The following NSMCE2 variants were observed in gnomAD, a reference collection of about 807,000 sequenced individuals.
NSMCE2 encodes E3 SUMO-protein ligase NSE2.
A neutral mutation model predicts 23.8 loss-of-function variants in NSMCE2; 24 were observed. The ratio of observed to expected loss-of-function variants is 1.01; its 90% CI spans 0.73 to 1.42. NSMCE2 has a LOEUF of 1.42. Ranked by LOEUF, NSMCE2 falls within the 40% of genes most tolerant of loss-of-function variation. The pLI is 0.00. For missense variants in NSMCE2, 284 were observed against 296.5 expected (o/e 0.96, Z 0.31); for synonymous variants, 92 against 94.1 (o/e 0.98, Z 0.13).
At chr8:125,247,228 G>A (rs1459290011) in intron 5 of NSMCE2, among the ~76,000 whole-genome samples, 3 of 151,794 alleles carry the variant, frequency 2.0e-5, no homozygotes, top group Non-Finnish European at 4.4e-5. Context: ...AGCTACTCAG[G>A]AGGCTAAGGT....
At chr8:125,345,853 C>T (rs943990005) in intron 5 of NSMCE2, among the ~76,000 whole-genome samples, 1 of 152,142 alleles carries the variant, frequency 6.6e-6, no homozygotes, top group African/African-American at 2.4e-5. Context: ...GTCTTGTTGT[C>T]ATGCTTAGAA....
At chr8:125,205,798 C>T (rs546190257) in intron 5 of NSMCE2, among the ~76,000 whole-genome samples, 43 of 152,044 alleles carry the variant, frequency 2.8e-4, no homozygotes, top group Non-Finnish European at 5.1e-4. Flanking sequence ...GTTGTAAATA[C>T]CAGTATCGTA....
At chr8:125,340,930 C>T (rs760074366) in intron 5 of NSMCE2, among the ~76,000 whole-genome samples, 3 of 152,152 alleles carry the variant, frequency 2.0e-5, no homozygotes, top group Non-Finnish European at 4.4e-5. Context: ...TTCTCTGCCT[C>T]CTTGATGTTC....
intron 3 of NSMCE2, among the ~76,000 whole-genome samples, chr8:125,135,839 G>T (rs1820040955): frequency 6.6e-6 from 1 of 152,202 alleles, no homozygotes; most frequent in Non-Finnish European, 1.5e-5. Flanking sequence ...ATAAGCTAGT[G>T]TTAGTCCTCC....
At chr8:125,162,165 A>G (rs1234377259) in intron 4 of NSMCE2, among the ~76,000 whole-genome samples, 3 of 152,162 alleles carry the variant, frequency 2.0e-5, no homozygotes, top group Non-Finnish European at 2.9e-5. Context: ...TGACACATGA[A>G]GTATAGTTAG....
At chr8:125,334,286 G>T (rs1247527433) in intron 5 of NSMCE2, among the ~76,000 whole-genome samples, 1 of 152,174 alleles carries the variant, frequency 6.6e-6, no homozygotes, top group Non-Finnish European at 1.5e-5. Flanking sequence ...CTAAATGCAT[G>T]CGTTAAGTAC....
intron 3 of NSMCE2, among the ~76,000 whole-genome samples, chr8:125,138,981 TGTG>T (rs1413910019): frequency 1.3e-5 from 2 of 152,186 alleles, no homozygotes; most frequent in Non-Finnish European, 2.9e-5. Flanking sequence ...GCAGAAGTTA[TGTG>T]GTGTAAATAA....
intron 4 of NSMCE2, among the ~76,000 whole-genome samples, chr8:125,180,413 A>C (rs1822747234): frequency 6.6e-6 from 1 of 152,244 alleles, no homozygotes; most frequent in Admixed American, 6.5e-5. Context: ...TATAAATTTT[A>C]CACATTTTGG....
intron 5 of NSMCE2, among the ~76,000 whole-genome samples, chr8:125,310,018 TGGG>T (rs908754317): frequency 2.6e-5 from 4 of 152,182 alleles, no homozygotes; most frequent in Non-Finnish European, 5.9e-5. Flanking sequence ...TCTACTATGA[TGGG>T]GGGACCCTCA....
intron 4 of NSMCE2, among the ~76,000 whole-genome samples, chr8:125,165,116 G>A (rs991402780): frequency 1.3e-5 from 2 of 152,178 alleles, no homozygotes; most frequent in Admixed American, 6.6e-5. Flanking sequence ...GCCTAACAGT[G>A]TGACACTGGG....
rs1818234390 is a variant in NSMCE2, at chr8:125,102,360, T to C, written c.30T>C (p.Gly10=). The change falls in exon 3 of 8, where the codon GGT becomes GGC. Residue 10 remains glycine, a synonymous_variant. Coordinates refer to ENST00000287437, the MANE Select transcript of NSMCE2 (RefSeq NM_173685.4). MPGRSSSNS[G]STGFISFSGV... is the part of the protein sequence containing the mutation. ...CAGGACGTTCCAGTTCAAATTCAGG[T>C]TCAACTGGTTTCATCTCCTTCAGTG... 1.2e-6 allele frequency: 2 copies of C among 1,613,804 alleles called. No individual in the cohort carries two copies. The highest frequency in any genetic ancestry group is 2.7e-5 in the African/African-American group (2 of 74,936).
At chr8:125,099,447 G>A (rs944671949) in intron 1 of NSMCE2, among the ~76,000 whole-genome samples, 1 of 151,984 alleles carries the variant, frequency 6.6e-6, no homozygotes, top group African/African-American at 2.4e-5. Context: ...ATTTGATTTG[G>A]GTATAGAAGG....
At chr8:125,195,156 T>C (rs10090093) in intron 5 of NSMCE2, among the ~76,000 whole-genome samples, 152,098 of 152,256 alleles carry the variant, frequency 1, 75,970 homozygotes, top group Middle Eastern at 1. Flanking sequence ...AACCACTGGT[T>C]TACAGCGGAG....
chr8:125,300,139 T>C (rs1308017290), intron 5 of NSMCE2, among the ~76,000 whole-genome samples: 2 of 151,656 alleles, frequency 1.3e-5, no homozygotes, highest in African/African-American at 2.4e-5. Context: ...TTTCTTGTAC[T>C]GGAAGTGGGT....
intron 5 of NSMCE2, among the ~76,000 whole-genome samples, chr8:125,224,335 T>G (rs1825002098): frequency 6.6e-6 from 1 of 152,238 alleles, no homozygotes; most frequent in Admixed American, 6.5e-5. Flanking sequence ...TCTATTTTTT[T>G]TATTGCCTGT....
chr8:125,293,889 C>T lies in NSMCE2; in HGVS notation c.419-63330C>T, dbSNP rs180771092. On this transcript the variant is annotated intron_variant, in intron 5 of 7. Transcript: ENST00000287437. ...GTTTTTGTATATTCACAGAGCTAGG[C>T]AGCCATCACCACAATCAATTTTAGA... Among the ~76,000 whole-genome samples the T allele has an allele frequency of 4.2e-3, 633 of 152,322 alleles. 8 individuals are homozygous for T. Among genetic ancestry groups the T allele is most frequent in the Middle Eastern group, 0.014 (4 of 294 alleles).
At chr8:125,346,433 T>C (rs543617975) in intron 5 of NSMCE2, among the ~76,000 whole-genome samples, 1 of 152,326 alleles carries the variant, frequency 6.6e-6, no homozygotes, top group East Asian at 1.9e-4. Context: ...AATAAGAGAA[T>C]GTAAGAAGAT....
At chr8:125,254,141 C>G (rs977486834) in intron 5 of NSMCE2, among the ~76,000 whole-genome samples, 1 of 152,156 alleles carries the variant, frequency 6.6e-6, no homozygotes. Flanking sequence ...TCAAAGAATT[C>G]TCTTTTGACT....
At chr8:125,239,363 C>G (rs982852787) in intron 5 of NSMCE2, among the ~76,000 whole-genome samples, 2 of 152,078 alleles carry the variant, frequency 1.3e-5, no homozygotes, top group African/African-American at 4.8e-5. Context: ...AATCCCAACA[C>G]TTGGGGAGGC....
Sources: gnomAD v4.1 joint callset for allele counts (sites outside exome capture counted in the v4.1 genomes callset) on GRCh38, gnomAD v4.1.1 for gene constraint, MANE v1.5 for transcripts, NCBI Gene and HGNC (gene_info 2026-07-23, HGNC 2026-07-21) for gene names.